ATP2C2: variants seen among roughly 807,000 people sequenced by gnomAD.
ATP2C2 encodes the protein ATPase secretory pathway Ca2+ transporting 2, also known as calcium-transporting ATPase type 2C member 2.
Under a neutral mutation model 110.8 loss-of-function variants are expected in ATP2C2, and 171 were observed. That is an observed-to-expected ratio of 1.54 (90% CI 1.36 to 1.75). The LOEUF (loss-of-function observed/expected upper bound fraction) is 1.75. Ranked by LOEUF, ATP2C2 falls within the 40% of genes most tolerant of loss-of-function variation. The pLI, the probability that ATP2C2 is intolerant of heterozygous loss-of-function variation, is 0.00. For missense variants in ATP2C2, 1,963 were observed against 1,235.0 expected (o/e 1.59, Z -8.84); for synonymous variants, 804 against 508.4 (o/e 1.58, Z -7.82).
chr16:84,421,724 C>T (rs1297203226), intron 7 of ATP2C2, among the ~76,000 whole-genome samples: 1 of 152,160 alleles, frequency 6.6e-6, no homozygotes, highest in Non-Finnish European at 1.5e-5. Flanking sequence ...TCTGTTTTGC[C>T]ACTAACTAGC....
chr16:84,439,037 G>A, intron 11 of ATP2C2, 129 bp from the exon 12 acceptor site: 1 of 1,377,580 alleles, frequency 7.3e-7, no homozygotes, highest in Non-Finnish European at 9.9e-7. Flanking sequence ...GATTGGGAAT[G>A]GAGACTAGAA....
chr16:84,390,636 G>A (rs1015181235), intron 1 of ATP2C2, among the ~76,000 whole-genome samples: 3 of 152,154 alleles, frequency 2.0e-5, no homozygotes, highest in African/African-American at 7.2e-5. Context: ...AGGGCGTGGG[G>A]AGTGCCTGCT....
At position 84,422,385 on chromosome 16, in the gene ATP2C2, C is replaced by T. The variant is rs527646596; in HGVS notation, c.625-5C>T. The T allele has an allele frequency of 3.9e-5, 63 of 1,613,236 alleles. No individual in the cohort carries two copies. The highest frequency in any genetic ancestry group is 4.9e-5 in the Non-Finnish European group (58 of 1,179,652). On this transcript the variant is annotated splice_polypyrimidine_tract_variant and splice_region_variant and intron_variant, in intron 7 of 26. Coordinates refer to ENST00000262429, the MANE Select transcript of ATP2C2 (RefSeq NM_014861.4). ...TTCCACAGCCTTTTCCCCTTGCTCT[C>T]CTAGGTCACGGACCTCTTGGTGGAT...
intron 17 of ATP2C2, 28 bp downstream of exon 17, chr16:84,448,717 C>A (rs370073587): frequency 2.2e-5 from 35 of 1,589,164 alleles, no homozygotes; most frequent in Non-Finnish European, 2.9e-5. Context: ...CGGCCCAGAG[C>A]TTTAAGCTTG....
rs756886235 is a variant in ATP2C2 at position 84,405,160 on chromosome 16, G to C, written c.243G>C (p.Ser81=). Residue 81 remains serine (S), a synonymous_variant, in exon 3 of 27, where the codon TCG becomes TCC. Coordinates refer to ENST00000262429, the MANE Select transcript of ATP2C2 (RefSeq NM_014861.4). Reference sequence around the variant, plus strand: ...TACACACTGGGCTGTCGGAGTTCTCGGTGACGCAGCGCCGGCTGGCCCATG... The same window carrying C: ...TACACACTGGGCTGTCGGAGTTCTCCGTGACGCAGCGCCGGCTGGCCCATG... ...VDLHTGLSEF[S]VTQRRLAHGW... 7 of 1,613,938 alleles carry C rather than the reference G, an allele frequency of 4.3e-6. No individual in the cohort carries two copies. The African/African-American group carries it at 9.3e-5, about 22-fold the overall frequency.
chr16:84,454,388 C>T (rs909565348), intron 20 of ATP2C2, among the ~76,000 whole-genome samples: 2 of 152,278 alleles, frequency 1.3e-5, no homozygotes, highest in East Asian at 3.9e-4. Flanking sequence ...GGGCTTTCTT[C>T]TTTCATGTTA....
chr16:84,380,656 G>A (rs1385493045), intron 1 of ATP2C2, among the ~76,000 whole-genome samples: 1 of 152,192 alleles, frequency 6.6e-6, no homozygotes, highest in Admixed American at 6.5e-5. Flanking sequence ...AGCCCAGGCT[G>A]CCTGGATGCA....
intron 15 of ATP2C2, among the ~76,000 whole-genome samples, chr16:84,446,116 C>T (rs974779240): frequency 2.6e-4 from 40 of 151,694 alleles, no homozygotes; most frequent in Non-Finnish European, 4.9e-4. Context: ...TTGCAAAGAC[C>T]GTCTTGTCTG....
At position 84,370,917 on chromosome 16, in the gene ATP2C2, T is replaced by C. The variant is rs141005022; in HGVS notation, c.99+2203T>C. 1.3e-3 allele frequency among the ~76,000 whole-genome samples: 204 copies of C among 152,274 alleles called. 1 individual carries two copies. Among genetic ancestry groups the C allele is most frequent in the African/African-American group, 3.4e-3 (142 of 41,556 alleles). On this transcript the variant is annotated intron_variant, in intron 1 of 26. Coordinates refer to ENST00000262429, the MANE Select transcript of ATP2C2 (RefSeq NM_014861.4). ...ACCTCCAAGGTAAATTTTACTCTCG[T>C]CATGTGATCAATGAGGATGTGAGGC...
intron 1 of ATP2C2, among the ~76,000 whole-genome samples, chr16:84,396,975 A>G (rs1356947779): frequency 1.3e-5 from 2 of 151,982 alleles, no homozygotes; most frequent in Admixed American, 1.3e-4. Flanking sequence ...GGCGGCTGTC[A>G]AGAAGGAAGA....
chr16:84,378,533 C>A (rs537127537), intron 1 of ATP2C2, among the ~76,000 whole-genome samples: 1 of 152,148 alleles, frequency 6.6e-6, no homozygotes, highest in African/African-American at 2.4e-5. Context: ...ACGCCTCCCT[C>A]AGTGAATGTT....
chr16:84,372,330 C>T (rs550875175), intron 1 of ATP2C2, among the ~76,000 whole-genome samples: 1 of 152,176 alleles, frequency 6.6e-6, no homozygotes, highest in South Asian at 2.1e-4. Flanking sequence ...GAGGCTCATG[C>T]ACACACAACT....
chr16:84,388,920 C>CCT (rs1904483372), intron 1 of ATP2C2, among the ~76,000 whole-genome samples: 3 of 151,900 alleles, frequency 2.0e-5, no homozygotes, highest in African/African-American at 7.3e-5. Flanking sequence ...TACAGGTGGG[C>CCT]GCCACCATGC....
chr16:84,391,202 C>T (rs1371882605), intron 1 of ATP2C2, among the ~76,000 whole-genome samples: 2 of 151,672 alleles, frequency 1.3e-5, no homozygotes, highest in Non-Finnish European at 2.9e-5. Flanking sequence ...ATTAGGGACA[C>T]TCTCTGACCT....
At chr16:84,410,483 T>G in intron 4 of ATP2C2, 85 bp from the exon 5 acceptor site, 1 of 1,446,480 alleles carries the variant, frequency 6.9e-7, no homozygotes, top group Non-Finnish European at 9.7e-7. Flanking sequence ...AATCAATCAT[T>G]AAAGACAAGC....
At position 84,395,784 on chromosome 16, in the gene ATP2C2, G is replaced by A. The variant is rs544039100; in HGVS notation, c.100-2715G>A. Among the ~76,000 whole-genome samples, 147 of 151,512 alleles carry A rather than the reference G, an allele frequency of 9.7e-4. 3 individuals are homozygous for A. The highest frequency in any genetic ancestry group is 3.6e-3 in the African/African-American group (145 of 40,812). ...CAAAGTGCTGGGATTATAGGTATGA[G>A]CCACTGTGTCTGGCCCTTTTCTTCT... On this transcript the variant is annotated intron_variant, in intron 1 of 26. Coordinates refer to ENST00000262429, the MANE Select transcript of ATP2C2 (RefSeq NM_014861.4).
At chr16:84,392,619 C>A (rs974598625) in intron 1 of ATP2C2, among the ~76,000 whole-genome samples, 1 of 152,166 alleles carries the variant, frequency 6.6e-6, no homozygotes, top group Non-Finnish European at 1.5e-5. Context: ...CCCGCCACCA[C>A]GCCCGGCTAA....
intron 16 of ATP2C2, among the ~76,000 whole-genome samples, 185 bp from the exon 17 acceptor site, chr16:84,448,348 C>G (rs552954473): frequency 4.6e-5 from 7 of 152,254 alleles, no homozygotes; most frequent in Non-Finnish European, 8.8e-5. Context: ...GCAAAACGTT[C>G]CATGGATGGA....
At chr16:84,394,948 G>T (rs1188306348) in intron 1 of ATP2C2, among the ~76,000 whole-genome samples, 1 of 152,108 alleles carries the variant, frequency 6.6e-6, no homozygotes, top group Non-Finnish European at 1.5e-5. Flanking sequence ...TTTTGCAGAG[G>T]CCACAGTTTA....
Sources: allele counts gnomAD v4.1 joint callset (sites outside exome capture counted in the v4.1 genomes callset), GRCh38; gene constraint gnomAD v4.1.1; transcripts MANE v1.5; gene names NCBI Gene and HGNC (gene_info 2026-07-23, HGNC 2026-07-21).